AGBL4: variants seen among roughly 807,000 people sequenced by gnomAD.
AGBL4 encodes AGBL carboxypeptidase 4.
Under a neutral mutation model 66.4 loss-of-function variants are expected in AGBL4, and 58 were observed. The observed-to-expected ratio is 0.87, with a 90% CI of 0.71 to 1.09. The LOEUF is 1.09. Ranked by LOEUF, AGBL4 falls within the 50% of genes least tolerant of loss-of-function variation. The pLI, the probability that AGBL4 is intolerant of heterozygous loss-of-function variation, is 0.00. For missense variants in AGBL4, 579 were observed against 631.0 expected (o/e 0.92, Z 0.88); for synonymous variants, 234 against 222.9 (o/e 1.05, Z -0.44).
chr1:49,455,363 G>A (rs990171394), intron 3 of AGBL4, among the ~76,000 whole-genome samples: 4 of 151,470 alleles, frequency 2.6e-5, no homozygotes, highest in East Asian at 1.9e-4. Flanking sequence ...TTTGTCTAAC[G>A]GTTAAAATGA....
At chr1:48,670,627 C>T (rs74076222) in intron 6 of AGBL4, among the ~76,000 whole-genome samples, 2 of 152,264 alleles carry the variant, frequency 1.3e-5, no homozygotes, top group Admixed American at 1.3e-4. Flanking sequence ...AGCCCCCTTC[C>T]TTGCCATAGG....
At chr1:49,620,457 G>A (rs1645337838) in intron 3 of AGBL4, among the ~76,000 whole-genome samples, 1 of 152,122 alleles carries the variant, frequency 6.6e-6, no homozygotes, top group East Asian at 1.9e-4. Context: ...TCATTAAAAA[G>A]TCAGGAAATA....
At chr1:50,013,278 T>A (rs1264755298) in intron 1 of AGBL4, among the ~76,000 whole-genome samples, 1 of 152,166 alleles carries the variant, frequency 6.6e-6, no homozygotes, top group Non-Finnish European at 1.5e-5. Flanking sequence ...GTAAATAAGA[T>A]CATGAGTCCT....
At chr1:49,712,653 G>T (rs1647763156) in intron 2 of AGBL4, among the ~76,000 whole-genome samples, 1 of 151,812 alleles carries the variant, frequency 6.6e-6, no homozygotes, top group African/African-American at 2.4e-5. Flanking sequence ...CAATTTTCAT[G>T]ATTATAGAAA....
At chr1:49,569,325 G>A (rs192395089) in intron 3 of AGBL4, among the ~76,000 whole-genome samples, 58 of 152,116 alleles carry the variant, frequency 3.8e-4, no homozygotes, top group Admixed American at 2.3e-3. Flanking sequence ...GCTCAACAAG[G>A]TGACTATTGT....
At chr1:49,452,628 A>C (rs948235599) in intron 3 of AGBL4, among the ~76,000 whole-genome samples, 1 of 151,666 alleles carries the variant, frequency 6.6e-6, no homozygotes, top group African/African-American at 2.4e-5. Context: ...CATCTACCTG[A>C]GATGTTCTGC....
At chr1:48,941,451 G>A (rs907926740) in intron 5 of AGBL4, among the ~76,000 whole-genome samples, 1 of 152,150 alleles carries the variant, frequency 6.6e-6, no homozygotes, top group African/African-American at 2.4e-5. Flanking sequence ...AACACTCAAA[G>A]GAATAAAGTT....
intron 6 of AGBL4, among the ~76,000 whole-genome samples, chr1:48,668,041 C>T (rs1646217090): frequency 6.6e-6 from 1 of 151,440 alleles, no homozygotes; most frequent in Non-Finnish European, 1.5e-5. Flanking sequence ...TTGTTGACAC[C>T]TGAGCCTTTT....
At chr1:48,889,065 G>A (rs1326316820) in intron 5 of AGBL4, among the ~76,000 whole-genome samples, 1 of 152,158 alleles carries the variant, frequency 6.6e-6, no homozygotes. Flanking sequence ...TAAAGTTCAT[G>A]CCATCAGGAA....
Position 48,678,230 on chromosome 1 carries a change from C to T in AGBL4, c.635-14989G>A, listed in dbSNP as rs544974410. Among the ~76,000 whole-genome samples the T allele has an allele frequency of 3.3e-4, 50 of 152,276 alleles. 1 individual carries two copies. Among genetic ancestry groups the T allele is most frequent in the African/African-American group, 1.1e-3 (47 of 41,578 alleles). On this transcript the variant is annotated intron_variant, in intron 6 of 13. Coordinates refer to ENST00000371839, the MANE Select transcript of AGBL4 (RefSeq NM_032785.4). ...CCAGGGGACCTGCCCTCACCCATCC[C>T]GCCGCCCCCGCCCTTCTGCCCCACC...
intron 1 of AGBL4, among the ~76,000 whole-genome samples, chr1:49,981,726 TG>T (rs1306020874): frequency 1.3e-5 from 2 of 152,172 alleles, no homozygotes; most frequent in African/African-American, 4.8e-5. Flanking sequence ...AGAGTTGTGC[TG>T]GGCAGATAAT....
At chr1:49,321,951 T>C (rs1266998533) in intron 3 of AGBL4, among the ~76,000 whole-genome samples, 1 of 152,194 alleles carries the variant, frequency 6.6e-6, no homozygotes, top group East Asian at 1.9e-4. Context: ...GGAGGTTTTA[T>C]TTTTCAGATG....
At chr1:49,358,408 G>GA (rs529884061) in intron 3 of AGBL4, among the ~76,000 whole-genome samples, 407 of 143,128 alleles carry the variant, frequency 2.8e-3, no homozygotes, top group African/African-American at 6.9e-3. Flanking sequence ...ATAAGCACCA[G>GA]AAAAAAAAAA....
At chr1:48,594,376 C>G (rs971277227) in intron 9 of AGBL4, among the ~76,000 whole-genome samples, 8 of 152,212 alleles carry the variant, frequency 5.3e-5, no homozygotes, top group South Asian at 4.1e-4. Flanking sequence ...AATTTGCATT[C>G]TCTTTTCTAA....
intron 11 of AGBL4, among the ~76,000 whole-genome samples, chr1:48,552,350 C>A (rs1387457264): frequency 6.6e-6 from 1 of 152,226 alleles, no homozygotes; most frequent in Non-Finnish European, 1.5e-5. Context: ...GCATGAGCCA[C>A]TGCACCCAGC....
chr1:49,916,438 C>A (rs1651505161), intron 1 of AGBL4, among the ~76,000 whole-genome samples: 1 of 152,172 alleles, frequency 6.6e-6, no homozygotes, highest in African/African-American at 2.4e-5. Flanking sequence ...GTGATGAATG[C>A]ACAAGCTTCA....
chr1:49,482,029 G>A (rs1178997027), intron 3 of AGBL4, among the ~76,000 whole-genome samples: 1 of 150,906 alleles, frequency 6.6e-6, no homozygotes, highest in Non-Finnish European at 1.5e-5. Context: ...CGGTTTGCCA[G>A]TATTTTGTTG....
intron 3 of AGBL4, among the ~76,000 whole-genome samples, chr1:49,495,945 A>G (rs1382975338): frequency 6.6e-6 from 1 of 152,038 alleles, no homozygotes; most frequent in African/African-American, 2.4e-5. Flanking sequence ...AATGGTCTAC[A>G]TTATAGGGTA....
chr1:49,884,769 C>T (rs1475136242), intron 1 of AGBL4, among the ~76,000 whole-genome samples: 2 of 151,608 alleles, frequency 1.3e-5, no homozygotes, highest in South Asian at 2.1e-4. Context: ...ATTGGTTCTA[C>T]AGCCTTTAAA....
Sources: allele counts gnomAD v4.1 joint callset (sites outside exome capture counted in the v4.1 genomes callset), GRCh38; gene constraint gnomAD v4.1.1; transcripts MANE v1.5; gene names NCBI Gene and HGNC (gene_info 2026-07-23, HGNC 2026-07-21).